PARP15: variants seen among roughly 807,000 people sequenced by gnomAD.
PARP15 encodes the protein protein mono-ADP-ribosyltransferase PARP15.
A neutral mutation model predicts 62.1 loss-of-function variants in PARP15; 50 were observed. That is an observed-to-expected ratio of 0.81 (90% confidence interval 0.64 to 1.02). The LOEUF (loss-of-function observed/expected upper bound fraction) is 1.02. Among genes scored for constraint, PARP15 ranks in the 50% least tolerant of loss-of-function variants. The pLI, the probability that PARP15 is intolerant of heterozygous loss-of-function variation, is 0.00. For synonymous variants in PARP15, 309 were observed against 293.1 expected, an observed-to-expected ratio of 1.05 and a Z score of -0.55; for missense variants, 820 against 826.5, an observed-to-expected ratio of 0.99 and a Z score of 0.10.
intron 1 of PARP15, among the ~76,000 whole-genome samples, chr3:122,590,413 C>T (rs555327170): frequency 6.6e-6 from 1 of 152,062 alleles, no homozygotes; most frequent in Admixed American, 6.5e-5. Flanking sequence ...GCTGGGACTA[C>T]AGGCACCCAG....
intron 1 of PARP15, among the ~76,000 whole-genome samples, chr3:122,601,132 A>G (rs1934769530): frequency 7.3e-6 from 1 of 137,672 alleles, no homozygotes; most frequent in Non-Finnish European, 1.5e-5. Context: ...GCCTCCACCT[A>G]CTGGGTCAAG....
At chr3:122,598,370 A>T (rs977993059) in intron 1 of PARP15, among the ~76,000 whole-genome samples, 6 of 152,130 alleles carry the variant, frequency 3.9e-5, no homozygotes, top group Non-Finnish European at 8.8e-5. Context: ...ATCTATCATG[A>T]CGTGGTTATT....
At chr3:122,635,763 T>C (rs1937323954) in intron 11 of PARP15, 48 bp from the exon 12 acceptor site, 2 of 1,562,028 alleles carry the variant, frequency 1.3e-6, no homozygotes, top group Non-Finnish European at 1.7e-6. Context: ...GTTCTACACA[T>C]TGTGTAATTT....
chr3:122,583,053 T>A (rs1206714004), intron 1 of PARP15, among the ~76,000 whole-genome samples: 2 of 151,846 alleles, frequency 1.3e-5, no homozygotes, highest in Non-Finnish European at 2.9e-5. Flanking sequence ...TTCTTGGAAG[T>A]ATGAAATACC....
intron 10 of PARP15, among the ~76,000 whole-genome samples, chr3:122,634,013 C>T (rs1937208595): frequency 6.6e-6 from 1 of 152,180 alleles, no homozygotes; most frequent in African/African-American, 2.4e-5. Flanking sequence ...TCACACATTC[C>T]CCATTGCAAA....
chr3:122,594,272 C>A (rs908769082), intron 1 of PARP15, among the ~76,000 whole-genome samples: 4 of 152,044 alleles, frequency 2.6e-5, no homozygotes, highest in Non-Finnish European at 4.4e-5. Flanking sequence ...TGCATTCCAG[C>A]CTAGGCAACA....
chr3:122,595,854 T>C (rs1000354912), intron 1 of PARP15, among the ~76,000 whole-genome samples: 1 of 152,096 alleles, frequency 6.6e-6, no homozygotes, highest in African/African-American at 2.4e-5. Flanking sequence ...TTTATTCTTC[T>C]TTTCTCATTC....
At chr3:122,579,106 C>A (rs2080745682) in intron 1 of PARP15, among the ~76,000 whole-genome samples, 1 of 152,156 alleles carries the variant, frequency 6.6e-6, no homozygotes, top group African/African-American at 2.4e-5. Flanking sequence ...ATCCTCGACA[C>A]AACCAATGAA....
At chr3:122,598,030 G>A (rs145847050) in intron 1 of PARP15, among the ~76,000 whole-genome samples, 1,638 of 152,074 alleles carry the variant, frequency 0.011, 20 homozygotes, top group South Asian at 0.025. Context: ...TCAATCAATG[G>A]TTGGTTGAAC....
intron 4 of PARP15, among the ~76,000 whole-genome samples, chr3:122,613,932 G>A (rs1043383384): frequency 1.4e-5 from 2 of 145,406 alleles, no homozygotes; most frequent in Non-Finnish European, 3.0e-5. Flanking sequence ...TGCAGCCTCC[G>A]CCTCCTGGGC....
intron 1 of PARP15, among the ~76,000 whole-genome samples, chr3:122,587,563 G>T (rs553506251): frequency 6.6e-6 from 1 of 152,042 alleles, no homozygotes; most frequent in Non-Finnish European, 1.5e-5. Flanking sequence ...CTGGGGTCTC[G>T]CTCTGTCCCG....
At position 122,590,080 on chromosome 3, in the gene PARP15, G is replaced by A. The variant is rs138484639; in HGVS notation, c.186+12227G>A. Among the ~76,000 whole-genome samples the A allele has an allele frequency of 1.1e-3, 162 of 151,632 alleles. 2 individuals carry two copies. The East Asian group carries it at 0.027, about 25-fold the overall frequency. On this transcript the variant is annotated intron_variant, in intron 1 of 11. Transcript: ENST00000464300. The stretch of plus-strand genomic sequence containing the variant: ...TTTTTGTATTTTTAGTAGAGACGGA[G>A]TTTCACCGTGTTAGCCAGGATGGTC...
At chr3:122,581,875 T>C (rs756882601) in intron 1 of PARP15, among the ~76,000 whole-genome samples, 16 of 152,234 alleles carry the variant, frequency 1.1e-4, no homozygotes, top group Non-Finnish European at 2.1e-4. Context: ...TTTATGCCAG[T>C]ACTGTACTGT....
chr3:122,580,977 A>G (rs2080791399), intron 1 of PARP15, among the ~76,000 whole-genome samples: 1 of 152,218 alleles, frequency 6.6e-6, no homozygotes, highest in Admixed American at 6.5e-5. Context: ...CCATTGTGTT[A>G]CCATTGCCTG....
At chr3:122,595,814 TGAGCCACCACGCTG>T (rs1934292320) in intron 1 of PARP15, among the ~76,000 whole-genome samples, 1 of 152,164 alleles carries the variant, frequency 6.6e-6, no homozygotes, top group South Asian at 2.1e-4. Flanking sequence ...ATTACAGGCA[TGAGCCACCACGCTG>T]GCTTGGCTGC....
intron 1 of PARP15, among the ~76,000 whole-genome samples, chr3:122,580,502 G>T (rs4677960): frequency 6.6e-6 from 1 of 151,654 alleles, no homozygotes; most frequent in South Asian, 2.1e-4. Flanking sequence ...CAGATTTACC[G>T]TCTTAACCAT....
At chr3:122,585,947 T>A (rs182211933) in intron 1 of PARP15, among the ~76,000 whole-genome samples, 1 of 152,350 alleles carries the variant, frequency 6.6e-6, no homozygotes, top group Non-Finnish European at 1.5e-5. Flanking sequence ...CCCTATCAAT[T>A]GCCATTGGTA....
At chr3:122,610,811 G>A in intron 3 of PARP15, 81 bp downstream of exon 3, 1 of 1,289,630 alleles carries the variant, frequency 7.8e-7, no homozygotes, top group South Asian at 1.7e-5. Flanking sequence ...TGTGCTCAAG[G>A]GAAGCAATTT....
At chr3:122,579,999 G>GTATATATGTATATATATATA (rs1553725410) in intron 1 of PARP15, among the ~76,000 whole-genome samples, 14 of 64,454 alleles carry the variant, frequency 2.2e-4, no homozygotes, top group South Asian at 6.2e-4. Context: ...GCAACTATAT[G>GTATATATGTATATATATATA]TATATATATA....
Sources: gnomAD v4.1 joint callset for allele counts (sites outside exome capture counted in the v4.1 genomes callset) on GRCh38, gnomAD v4.1.1 for gene constraint, MANE v1.5 for transcripts, NCBI Gene and HGNC (gene_info 2026-07-23, HGNC 2026-07-21) for gene names.